EP400: variants seen among roughly 807,000 people sequenced by gnomAD.
EP400 encodes E1A binding protein p400.
A neutral mutation model predicts 354.1 loss-of-function variants in EP400; 105 were observed. That is an observed-to-expected ratio of 0.30 (90% confidence interval 0.25 to 0.35). The LOEUF (loss-of-function observed/expected upper bound fraction) is 0.35. Ranked by LOEUF, EP400 falls within the 10% of genes least tolerant of loss-of-function variation. EP400 has a pLI of 1.00. For missense variants in EP400, 3,280 were observed against 4,121.0 expected (o/e 0.80, Z 5.59); for synonymous variants, 1,646 against 1,716.9 (o/e 0.96, Z 1.02).
chr12:131,981,418 C>A, intron 3 of EP400, 71 bp from the exon 4 acceptor site: 3 of 1,235,080 alleles, frequency 2.4e-6, no homozygotes, highest in South Asian at 1.4e-5. Context: ...TAAAAACACA[C>A]ATGTTTTTTT....
At chr12:131,995,095 T>G in intron 12 of EP400, 139 bp downstream of exon 12, 1 of 764,248 alleles carries the variant, frequency 1.3e-6, no homozygotes, top group South Asian at 1.7e-5. Flanking sequence ...TGCCTCCTGC[T>G]GCTCTCTCTC....
chr12:131,979,021 C>T (rs1229537723), intron 2 of EP400, among the ~76,000 whole-genome samples: 2 of 151,938 alleles, frequency 1.3e-5, no homozygotes, highest in African/African-American at 4.8e-5. Flanking sequence ...TCAAGACCAT[C>T]CTGGCTAATG....
At chr12:132,035,816 G>C (rs936373056) in intron 30 of EP400, among the ~76,000 whole-genome samples, 5 of 142,642 alleles carry the variant, frequency 3.5e-5, no homozygotes, top group Non-Finnish European at 6.0e-5. Context: ...AGGTTCACGC[G>C]GAACATCGTG....
At chr12:131,988,118 C>T (rs75318316) in intron 7 of EP400, among the ~76,000 whole-genome samples, 5,211 of 151,244 alleles carry the variant, frequency 0.034, 295 homozygotes, top group African/African-American at 0.12. Flanking sequence ...AGTGATTGCT[C>T]GCCTCGGCCT....
rs893583416 is a variant in EP400 at position 132,077,469 on chromosome 12, A to G, written c.9168A>G (p.Ala3056=). 6.2e-7 allele frequency: 1 copy of G among 1,613,374 alleles called. No individual in the cohort carries two copies. The highest frequency in any genetic ancestry group is 1.7e-5 in the Admixed American group (1 of 60,002). ...AAGQQVQMIP[A]VTATAQVVQQ... ...GGCAGCAGGTGCAGATGATCCCTGC[A>G]GTGACCGCGACTGCCCAGGTGGTTC... The change falls in exon 53 of 53, where the codon GCA becomes GCG. Residue 3056 remains alanine, a synonymous_variant. Transcript: ENST00000389561.
chr12:131,991,909 CT>C (rs1893049139), intron 10 of EP400, among the ~76,000 whole-genome samples: 1 of 152,192 alleles, frequency 6.6e-6, no homozygotes, highest in Non-Finnish European at 1.5e-5. Context: ...TCATTATAGA[CT>C]CAGTCTACTT....
At chr12:131,953,076 A>G (rs1046630971) in intron 1 of EP400, among the ~76,000 whole-genome samples, 4 of 152,156 alleles carry the variant, frequency 2.6e-5, no homozygotes, top group Admixed American at 6.6e-5. Context: ...AGTGAAAATT[A>G]GTTATTGGAA....
rs577393402 is a variant in EP400 at position 131,970,524 on chromosome 12, A to C, written c.1335+8570A>C. On this transcript the variant is annotated intron_variant, in intron 2 of 52. Coordinates refer to ENST00000389561, the MANE Select transcript of EP400 (RefSeq NM_015409.5). ...TGTTCCTCGCAGCATTGTTTTTGGC[A>C]GCCCCAAATTGGAAAGAACCAGATT... Among the ~76,000 whole-genome samples, 3 of 151,686 alleles carry C rather than the reference A, an allele frequency of 2.0e-5. No individual in the cohort carries two copies. In the South Asian group the frequency reaches 6.2e-4, roughly 31 times the overall value.
chr12:131,974,166 A>T (rs1332739413), intron 2 of EP400, among the ~76,000 whole-genome samples: 1 of 151,980 alleles, frequency 6.6e-6, no homozygotes, highest in African/African-American at 2.4e-5. Flanking sequence ...TTTAGTAGAG[A>T]TGGGGTTTCA....
chr12:132,073,919 G>GTTTTTTTTTTT (rs34186152), intron 51 of EP400, among the ~76,000 whole-genome samples: 2 of 82,136 alleles, frequency 2.4e-5, no homozygotes, highest in Non-Finnish European at 4.5e-5. Context: ...GTTTTTTGGG[G>GTTTTTTTTTTT]TTTTTTTTTT....
rs1039370187 is a variant in EP400 at position 131,995,996 on chromosome 12, G to A, written c.2827+1040G>A. 2.6e-5 allele frequency among the ~76,000 whole-genome samples: 4 copies of A among 152,240 alleles called. No individual in the cohort carries two copies. In the East Asian group the frequency reaches 5.8e-4, roughly 22 times the overall value. On this transcript the variant is annotated intron_variant, in intron 12 of 52. Coordinates refer to ENST00000389561, the MANE Select transcript of EP400 (RefSeq NM_015409.5). Reference sequence around the variant, plus strand: ...TCCTGAGTGTGTGAGAACTTCATACGAACGAATCCACCACAGTTTGATGGG... The same window carrying A: ...TCCTGAGTGTGTGAGAACTTCATACAAACGAATCCACCACAGTTTGATGGG...
intron 48 of EP400, 43 bp downstream of exon 48, chr12:132,064,929 TTA>T (rs1387966872): frequency 5.1e-6 from 8 of 1,553,616 alleles, no homozygotes; most frequent in African/African-American, 1.4e-5. Flanking sequence ...CAGCATCTTT[TTA>T]TGTTTTAACA....
At chr12:132,012,238 G>A (rs1893791466) in intron 16 of EP400, among the ~76,000 whole-genome samples, 1 of 152,136 alleles carries the variant, frequency 6.6e-6, no homozygotes, top group East Asian at 1.9e-4. Flanking sequence ...TACTATTGTA[G>A]TCTGTTTTTG....
At chr12:132,065,491 T>C (rs747829530) in intron 48 of EP400, 1 of 153,906 alleles carries the variant, frequency 6.5e-6, no homozygotes, top group Non-Finnish European at 1.4e-5. Context: ...CCCTTCGTTC[T>C]CTTGTGTCTT....
At chr12:131,995,180 C>T (rs967406383) in intron 12 of EP400, among the ~76,000 whole-genome samples, 3 of 152,186 alleles carry the variant, frequency 2.0e-5, no homozygotes, top group Non-Finnish European at 2.9e-5. Flanking sequence ...CTGCCACCTG[C>T]GTGTGTCTCC....
Position 131,990,608 on chromosome 12 carries a change from G to T in EP400, c.2551-28G>T. Reference sequence around the variant, plus strand: ...CTGTAATTCCCATCCTTAGTAATGTGCTTATTCATTTAATCCTTTGCATTT... The same window carrying T: ...CTGTAATTCCCATCCTTAGTAATGTTCTTATTCATTTAATCCTTTGCATTT... On this transcript the variant is annotated intron_variant, in intron 8 of 52. Transcript: ENST00000389561. This position sits in a 1 kb window ranked among gnomAD's most constrained non-coding sequence, Gnocchi z 4.2. 1.3e-6 allele frequency: 2 copies of T among 1,515,168 alleles called. No homozygotes were observed. The highest frequency in any genetic ancestry group is 1.8e-6 in the Non-Finnish European group (2 of 1,096,640). The allele number at this position is 1,515,168 out of a possible 1,614,324, so 93.9% of individuals were successfully genotyped here.
chr12:132,069,491 CCAGATCACCGCACAG>C lies in EP400; in HGVS notation c.8881_8895del (p.Ala2961_Thr2965del). On this transcript the variant is annotated splice_acceptor_variant and splice_polypyrimidine_tract_variant and coding_sequence_variant and intron_variant, in exon 51 of 53. Transcript: ENST00000389561. LOFTEE classifies it high-confidence loss of function. ...GCGGCCCTAATTTCGCAGTCTCTCC[CCAGATCACCGCACAG>C]CAGATCACCACCCCTGGCGCGCAGC... The C allele has an allele frequency of 6.2e-7, 1 of 1,613,944 alleles. No homozygotes were observed. The highest frequency in any genetic ancestry group is 1.1e-5 in the South Asian group (1 of 91,060).
chr12:132,023,025 T>C (rs898992223), intron 23 of EP400, among the ~76,000 whole-genome samples: 1 of 152,186 alleles, frequency 6.6e-6, no homozygotes, highest in Non-Finnish European at 1.5e-5. Flanking sequence ...TGTAAAGATA[T>C]AATCTCTCTT....
intron 21 of EP400, among the ~76,000 whole-genome samples, chr12:132,019,399 T>C (rs1201218559): frequency 1.3e-5 from 2 of 152,116 alleles, no homozygotes; most frequent in East Asian, 1.9e-4. Flanking sequence ...GTTTTGAAAA[T>C]GGCCAATATA....
Sources: gnomAD v4.1 joint callset for allele counts (sites outside exome capture counted in the v4.1 genomes callset) on GRCh38, gnomAD v4.1.1 for gene constraint, Gnocchi (gnomAD v3.1) non-coding constraint, MANE v1.5 for transcripts, NCBI Gene and HGNC (gene_info 2026-07-23, HGNC 2026-07-21) for gene names.